Variants in ARK2N observed in about 807,000 individuals in gnomAD.
The protein encoded by ARK2N is protein ARK2N.
chr18:46,247,825 C>T, the ARK2N span, among the ~76,000 whole-genome samples: 17 of 152,224 alleles, frequency 1.1e-4, no homozygotes, highest in Admixed American at 1.1e-3. Flanking sequence ...GGGCGTACCA[C>T]CATACCTGCC....
the ARK2N span, among the ~76,000 whole-genome samples, chr18:46,212,721 A>G: frequency 6.6e-6 from 1 of 152,222 alleles, no homozygotes; most frequent in East Asian, 1.9e-4. Context: ...TAATCATTAA[A>G]TTGAATGATG....
At chr18:46,222,757 A>G in the ARK2N span, among the ~76,000 whole-genome samples, 1 of 152,124 alleles carries the variant, frequency 6.6e-6, no homozygotes. Flanking sequence ...AATCGAGCAG[A>G]GGAGACAGAG....
chr18:46,200,264 C>T, the ARK2N span, among the ~76,000 whole-genome samples: 1 of 151,988 alleles, frequency 6.6e-6, no homozygotes, highest in Non-Finnish European at 1.5e-5. Flanking sequence ...CAGGATTTGC[C>T]AGGGACAAGA....
the ARK2N span, among the ~76,000 whole-genome samples, chr18:46,258,266 A>G: frequency 1.3e-5 from 2 of 152,182 alleles, no homozygotes; most frequent in African/African-American, 4.8e-5. Flanking sequence ...AGTGATACAG[A>G]TGAGTGTTTC....
the ARK2N span, among the ~76,000 whole-genome samples, chr18:46,202,603 C>G: frequency 6.6e-6 from 1 of 151,988 alleles, no homozygotes; most frequent in African/African-American, 2.4e-5. Context: ...GCCTGACCAA[C>G]GTAGCGAAAC....
the ARK2N span, among the ~76,000 whole-genome samples, chr18:46,200,089 T>C: frequency 1.3e-5 from 2 of 148,304 alleles, no homozygotes; most frequent in South Asian, 2.1e-4. Context: ...TGTGTGTGTG[T>C]GTGCGCGCGC....
chr18:46,228,609 A>G, the ARK2N span: 1 of 388,998 alleles, frequency 2.6e-6, no homozygotes, highest in Non-Finnish European at 4.5e-6. Flanking sequence ...TTTGGGAGAT[A>G]GGGTCTCACT....
the ARK2N span, among the ~76,000 whole-genome samples, chr18:46,204,790 T>G: frequency 1.3e-5 from 2 of 152,142 alleles, no homozygotes; most frequent in African/African-American, 4.8e-5. Flanking sequence ...ACTTGTGGTT[T>G]CAACTGAAAA....
chr18:46,253,457 G>A, the ARK2N span, among the ~76,000 whole-genome samples: 2 of 152,108 alleles, frequency 1.3e-5, no homozygotes, highest in African/African-American at 4.8e-5. Flanking sequence ...GAGACTTTGA[G>A]TTCATACTTT....
chr18:46,263,882 G>A, the ARK2N span: 1 of 152,644 alleles, frequency 6.6e-6, no homozygotes, highest in African/African-American at 2.4e-5. Context: ...AAGGTATTAA[G>A]AGTTCAGTGG....
chr18:46,217,489 G>A, the ARK2N span: 2 of 152,138 alleles, frequency 1.3e-5, no homozygotes, highest in South Asian at 2.1e-4. Context: ...ATTGAAGAGG[G>A]GCAAGTTTGG....
chr18:46,205,118 T>C, the ARK2N span, among the ~76,000 whole-genome samples: 1 of 151,696 alleles, frequency 6.6e-6, no homozygotes, highest in African/African-American at 2.4e-5. Flanking sequence ...ATGTTGCCCA[T>C]GCTGGTCTCG....
At chr18:46,249,620 T>G in the ARK2N span, among the ~76,000 whole-genome samples, 1 of 152,200 alleles carries the variant, frequency 6.6e-6, no homozygotes, top group Admixed American at 6.5e-5. Flanking sequence ...TTCTTCAAAA[T>G]CCAGATTACC....
chr18:46,262,743 G>C, the ARK2N span, among the ~76,000 whole-genome samples: 2 of 152,136 alleles, frequency 1.3e-5, no homozygotes, highest in Admixed American at 1.3e-4. Context: ...GGGACCAAGT[G>C]GGGTGTGGTG....
At chr18:46,213,757 C>T in the ARK2N span, among the ~76,000 whole-genome samples, 1 of 152,102 alleles carries the variant, frequency 6.6e-6, no homozygotes, top group African/African-American at 2.4e-5. Context: ...AACGCAGTGG[C>T]GTGATCTTGG....
the ARK2N span, among the ~76,000 whole-genome samples, chr18:46,200,549 G>A: frequency 8.6e-5 from 13 of 151,984 alleles, no homozygotes; most frequent in Non-Finnish European, 1.3e-4. Context: ...CTCATGATCC[G>A]CCCGCCTCAG....
At chr18:46,262,330 C>G in the ARK2N span, among the ~76,000 whole-genome samples, 1 of 152,148 alleles carries the variant, frequency 6.6e-6, no homozygotes, top group African/African-American at 2.4e-5. Flanking sequence ...GTTACTTTCA[C>G]GGAACCAAAT....
At chr18:46,205,652 A>G in the ARK2N span, among the ~76,000 whole-genome samples, 4 of 152,194 alleles carry the variant, frequency 2.6e-5, no homozygotes, top group African/African-American at 9.7e-5. Flanking sequence ...TTTAGCCATC[A>G]TCTGTCCTTA....
the ARK2N span, among the ~76,000 whole-genome samples, chr18:46,206,776 CTTTTAT>C: frequency 1.3e-5 from 2 of 151,952 alleles, no homozygotes; most frequent in Non-Finnish European, 2.9e-5. Flanking sequence ...ATAGCCCTTT[CTTTTAT>C]TTTTATTTTT....
Sources: allele counts gnomAD v4.1 joint callset (sites outside exome capture counted in the v4.1 genomes callset), GRCh38; gene constraint gnomAD v4.1.1; transcripts MANE v1.5; gene names NCBI Gene and HGNC (gene_info 2026-07-23, HGNC 2026-07-21).